TLCD3A: variants seen among roughly 807,000 people sequenced by gnomAD.
TLCD3A encodes TLC domain-containing protein 3A.
TLCD3A carries 17 observed loss-of-function variants against 29.9 expected under a neutral mutation model. That is an observed-to-expected ratio of 0.57 (90% confidence interval 0.39 to 0.85). The LOEUF (loss-of-function observed/expected upper bound fraction) is 0.85. TLCD3A is among the 40% of genes least tolerant of loss of function. The probability of loss-of-function intolerance (pLI) is 0.00; values close to 1 mark genes in which losing one functional copy is unlikely to be tolerated. For missense variants in TLCD3A, 332 were observed against 350.8 expected (o/e 0.95, Z 0.43); for synonymous variants, 143 against 147.7 (o/e 0.97, Z 0.23).
intron 4 of TLCD3A, 69 bp downstream of exon 4, chr17:740,669 G>A: frequency 6.9e-7 from 1 of 1,459,558 alleles, no homozygotes; most frequent in Non-Finnish European, 9.5e-7. Context: ...AAATGACAGA[G>A]AGAGTGAGGG....
chr17:734,199 T>C (rs1243444809), intron 2 of TLCD3A, among the ~76,000 whole-genome samples: 3 of 152,128 alleles, frequency 2.0e-5, no homozygotes, highest in African/African-American at 4.8e-5. Flanking sequence ...TTCTTTTTTT[T>C]TTAAAGACAG....
intron 2 of TLCD3A, among the ~76,000 whole-genome samples, chr17:734,642 A>G (rs188141369): frequency 3.9e-5 from 6 of 152,140 alleles, no homozygotes; most frequent in East Asian, 1.9e-4. Context: ...TTCATATACT[A>G]TATACTGAAT....
At chr17:739,060 C>CTACTT (rs984927690) in intron 3 of TLCD3A, among the ~76,000 whole-genome samples, 9 of 152,142 alleles carry the variant, frequency 5.9e-5, no homozygotes, top group Non-Finnish European at 1.3e-4. Context: ...AAATAGCCTC[C>CTACTT]TACTTTCTCC....
chr17:741,279 T>G (rs1242565873), intron 4 of TLCD3A, 22 bp from the exon 5 acceptor site: 1 of 1,612,626 alleles, frequency 6.2e-7, no homozygotes, highest in South Asian at 1.1e-5. Flanking sequence ...ACCTTACCTT[T>G]TTCCTTCCTC....
At chr17:740,410 TCA>T (rs1162171377) in intron 3 of TLCD3A, 93 bp from the exon 4 acceptor site, 4 of 918,746 alleles carry the variant, frequency 4.4e-6, no homozygotes, top group Admixed American at 1.8e-5. Context: ...CCTTTGCCCG[TCA>T]CAGTTACCCT....
intron 1 of TLCD3A, 53 bp downstream of exon 1, chr17:732,822 C>A (rs1464721894): frequency 2.9e-6 from 4 of 1,392,956 alleles, no homozygotes; most frequent in East Asian, 6.2e-5. Context: ...CCCACCGCAC[C>A]CCACCCGGCC....
rs752835492 is a variant in TLCD3A, at chr17:740,537, C to T, written c.441C>T (p.Val147=). Residue 147 remains valine (V), a synonymous_variant, in exon 4 of 5, where the codon GTC becomes GTT. Coordinates refer to ENST00000308278, the MANE Select transcript of TLCD3A (RefSeq NM_024792.3). The stretch of plus-strand genomic sequence containing the variant: ...GGGGAGACCTTGGGGACTTCTTTGT[C>T]GGCTGCATCTTCACGGCAGAACTGA... ...RLRGDLGDFF[V]GCIFTAELST... is the part of the protein sequence containing the mutation. 1.8e-5 allele frequency: 29 copies of T among 1,614,070 alleles called. No individual in the cohort carries two copies. The Middle Eastern group carries it at 5.0e-4, about 28-fold the overall frequency.
At position 737,886 on chromosome 17, in the gene TLCD3A, T is replaced by C. The variant is rs757753687; in HGVS notation, c.247T>C (p.Tyr83His). The change falls in exon 3 of 5, where the codon TAC becomes CAC. Residue 83 changes from tyrosine (Y) to histidine (H), a missense_variant. Coordinates refer to ENST00000308278, the MANE Select transcript of TLCD3A (RefSeq NM_024792.3). ...AREYVWFLIP[Y>H]MIYDSYAMYL... is the part of the protein sequence containing the mutation. ...GGAATATGTGTGGTTTCTGATTCCA[T>C]ACATGATCTATGACTCGTACGCCAT... 2 of 1,614,168 alleles carry C rather than the reference T, an allele frequency of 1.2e-6. No individual in the cohort carries two copies. Among genetic ancestry groups the C allele is most frequent in the Admixed American group, 1.7e-5 (1 of 60,024 alleles).
rs1373016512 is a variant in TLCD3A at position 741,608 on chromosome 17, C to G, written c.*38C>G. 6.2e-7 allele frequency: 1 copy of G among 1,600,740 alleles called. No individual in the cohort carries two copies. ...GTCAGGCGCAGCCTCACACCAGCTG[C>G]CTCCTCCACTCAGCATTCCATGGAC... is the stretch of plus-strand genomic sequence containing the variant. On this transcript the variant is annotated 3_prime_UTR_variant, in exon 5 of 5. Transcript: ENST00000308278.
chr17:733,603 TG>T (rs1322564369), intron 2 of TLCD3A, among the ~76,000 whole-genome samples: 1 of 152,182 alleles, frequency 6.6e-6, no homozygotes, highest in Non-Finnish European at 1.5e-5. Context: ...ACGCCGCTCT[TG>T]CTTTTCCTGC....
At chr17:738,134 C>T (rs543662255) in intron 3 of TLCD3A, 87 bp downstream of exon 3, 30 of 988,316 alleles carry the variant, frequency 3.0e-5, no homozygotes, top group Admixed American at 8.7e-5. Context: ...CTCACTCTGC[C>T]GCCCCAGCTG....
chr17:733,175 C>T lies in TLCD3A; in HGVS notation c.200C>T (p.Thr67Ile), dbSNP rs768550773. ...ATTCGCTCCTGCGACGACGTGATCA[C>T]CGGCAGGTAAGAGCCCGGGCCGGGG... ...VIIRSCDDVITGRHWLAREYV... is the reference protein window; with the variant it reads ...VIIRSCDDVIIGRHWLAREYV... The change falls in exon 2 of 5, where the codon ACC becomes ATC. Residue 67 changes from threonine to isoleucine, a missense_variant. By Grantham distance (89) the Thr-to-Ile change is moderately conservative. Coordinates refer to ENST00000308278, the MANE Select transcript of TLCD3A (RefSeq NM_024792.3). The T allele has an allele frequency of 2.8e-5, 43 of 1,559,956 alleles. No homozygotes were observed. The highest frequency in any genetic ancestry group is 8.7e-6 in the Non-Finnish European group (10 of 1,154,798).
chr17:741,228 G>A (rs1162562408), intron 4 of TLCD3A, 73 bp from the exon 5 acceptor site: 2 of 1,508,296 alleles, frequency 1.3e-6, no homozygotes, highest in South Asian at 2.4e-5. Context: ...TACTGTGGTG[G>A]GACTTGGGCC....
chr17:736,043 T>C (rs971654680), intron 2 of TLCD3A, among the ~76,000 whole-genome samples: 1 of 150,720 alleles, frequency 6.6e-6, no homozygotes, highest in African/African-American at 2.4e-5. Context: ...AAGTGTGTTA[T>C]ACTTGCCATT....
Position 737,954 on chromosome 17 carries a change from G to A in TLCD3A, c.315G>A (p.Ala105=), listed in dbSNP as rs35690935. Reference sequence around the variant, plus strand: ...GCCGAACCAGAGACCAGAACCGTGCGCCCTCCCTCACTCTTCGAAACTTCC... The same window carrying A: ...GCCGAACCAGAGACCAGAACCGTGCACCCTCCCTCACTCTTCGAAACTTCC... ...EWCRTRDQNR[A]PSLTLRNFLS... is the part of the protein sequence containing the mutation. Residue 105 remains alanine (A), a synonymous_variant, in exon 3 of 5, where the codon GCG becomes GCA. Transcript: ENST00000308278. The A allele has an allele frequency of 1.7e-3, 2,706 of 1,613,956 alleles. 41 individuals are homozygous for A. In the African/African-American group the frequency reaches 0.03, roughly 18 times the overall value.
At position 741,283 on chromosome 17, in the gene TLCD3A, C is replaced by T. The variant is rs1485366582; in HGVS notation, c.505-18C>T. The stretch of plus-strand genomic sequence containing the variant: ...GCTTCTTGGTGACCTTACCTTTTTC[C>T]TTCCTCTTCTATTGCAGCTAAAGCA... On this transcript the variant is annotated intron_variant, in intron 4 of 4. Transcript: ENST00000308278. 1.2e-6 allele frequency: 2 copies of T among 1,609,532 alleles called. No individual in the cohort carries two copies. Among genetic ancestry groups the T allele is most frequent in the Admixed American group, 1.7e-5 (1 of 59,160 alleles).
In TLCD3A at chr17:733,142, T is replaced by C. The variant is rs778186765; in HGVS notation, c.167T>C (p.Ile56Thr). 140 of 1,583,652 alleles carry C rather than the reference T, an allele frequency of 8.8e-5. 3 individuals carry two copies. The South Asian group carries it at 1.6e-3, about 18-fold the overall frequency. The change falls in exon 2 of 5, where the codon ATC becomes ACC. Residue 56 changes from isoleucine (I) to threonine (T), a missense_variant. Ile to Thr is a moderately conservative substitution (Grantham distance 89, BLOSUM62 -1). Coordinates refer to ENST00000308278, the MANE Select transcript of TLCD3A (RefSeq NM_024792.3). ...GCCGTGCTGGCCACCGGCTCGGGGA[T>C]CGTCATCATTCGCTCCTGCGACGAC... The part of the protein sequence containing the change: ...VHAVLATGSG[I>T]VIIRSCDDVI...
In TLCD3A at chr17:742,051, G is replaced by A. The variant is rs1189352017; in HGVS notation, c.*481G>A. On this transcript the variant is annotated 3_prime_UTR_variant, in exon 5 of 5. Coordinates refer to ENST00000308278, the MANE Select transcript of TLCD3A (RefSeq NM_024792.3). The stretch of plus-strand genomic sequence containing the variant: ...GACATTGGCCTGGGACAATCATTGT[G>A]GGTAGGTAGTTATTGATCGTTTACT... 1.7e-5 allele frequency: 3 copies of A among 176,960 alleles called. No homozygotes were observed. Among genetic ancestry groups the A allele is most frequent in the African/African-American group, 7.2e-5 (3 of 41,758 alleles). The allele number at this position is 176,960 out of a possible 1,614,324, so 11.0% of individuals were successfully genotyped here. A position where few individuals can be genotyped will look rare whatever the true frequency, so the allele number is the denominator to read the frequency against.
intron 2 of TLCD3A, among the ~76,000 whole-genome samples, chr17:735,089 C>T (rs987145788): frequency 2.0e-5 from 3 of 152,018 alleles, no homozygotes; most frequent in African/African-American, 7.3e-5. Context: ...GTGGTGAGGT[C>T]TCGGCTCACT....
Sources: allele counts gnomAD v4.1 joint callset (sites outside exome capture counted in the v4.1 genomes callset), GRCh38; gene constraint gnomAD v4.1.1; transcripts MANE v1.5; gene names NCBI Gene and HGNC (gene_info 2026-07-23, HGNC 2026-07-21).